The following FAT4 variants were observed in gnomAD, a reference collection of about 807,000 sequenced individuals.
The protein encoded by FAT4 is FAT atypical cadherin 4.
A neutral mutation model predicts 303.9 loss-of-function variants in FAT4; 84 were observed. The ratio of observed to expected loss-of-function variants is 0.28; its 90% CI spans 0.23 to 0.33. FAT4 has a LOEUF of 0.33. Ranked by LOEUF, FAT4 falls within the 10% of genes least tolerant of loss-of-function variation. The pLI is 1.00. For synonymous variants in FAT4, 2,307 were observed against 2,298.8 expected (o/e 1.00, Z -0.10); for missense variants, 6,005 against 6,146.8 (o/e 0.98, Z 0.77).
At chr4:125,464,477 CTG>C (rs1365009815) in intron 11 of FAT4, among the ~76,000 whole-genome samples, 1 of 145,568 alleles carries the variant, frequency 6.9e-6, no homozygotes, top group Admixed American at 7.2e-5. Flanking sequence ...CCAAATGACT[CTG>C]TCTCTTTTCT....
intron 2 of FAT4, among the ~76,000 whole-genome samples, chr4:125,323,645 A>C (rs1731041808): frequency 6.6e-6 from 1 of 152,210 alleles, no homozygotes; most frequent in African/African-American, 2.4e-5. Flanking sequence ...TATTGAAAGC[A>C]GTGGTTGTGA....
intron 2 of FAT4, among the ~76,000 whole-genome samples, chr4:125,382,322 A>T (rs1381327841): frequency 6.6e-6 from 1 of 152,146 alleles, no homozygotes; most frequent in Non-Finnish European, 1.5e-5. Flanking sequence ...GAAAGTTTAG[A>T]TTACTCCTTG....
At position 125,315,345 on chromosome 4, in the gene FAT4, T is replaced by C. The variant is rs1052202976; in HGVS notation, c.-645T>C. 9.9e-5 allele frequency among the ~76,000 whole-genome samples: 15 copies of C among 151,966 alleles called. No homozygotes were observed. Among genetic ancestry groups the C allele is most frequent in the African/African-American group, 3.6e-4 (15 of 41,380 alleles). On this transcript the variant is annotated 5_prime_UTR_variant, in exon 1 of 18. Coordinates refer to ENST00000394329, the MANE Select transcript of FAT4 (RefSeq NM_001291303.3). ...CCCCCGCCCCAAACAAAAAGCCTTGTGGATTACAAAGTGAAACTGACACGG... is the reference window on the plus strand; with the variant it reads ...CCCCCGCCCCAAACAAAAAGCCTTGCGGATTACAAAGTGAAACTGACACGG...
intron 2 of FAT4, among the ~76,000 whole-genome samples, chr4:125,326,196 C>T (rs1025457009): frequency 1.3e-5 from 2 of 151,908 alleles, no homozygotes; most frequent in African/African-American, 4.8e-5. Flanking sequence ...TTTATTTTCA[C>T]AAGAAACTAT....
Position 125,449,685 on chromosome 4 carries a change from A to G in FAT4, c.8675A>G (p.Lys2892Arg). ...DCPELTEIGS[K>R]VTQVFATDPD... ...CCTGAACTTACTGAGATTGGCTCCA[A>G]AGTAACTCAGGTATTTGCAACAGAT... Residue 2892 changes from lysine (K) to arginine (R), a missense_variant, in exon 10 of 18, where the codon AAA becomes AGA. By Grantham distance (26) the Lys-to-Arg change is conservative. Coordinates refer to ENST00000394329, the MANE Select transcript of FAT4 (RefSeq NM_001291303.3). 1 of 1,613,994 alleles carries G rather than the reference A, an allele frequency of 6.2e-7. No homozygotes were observed. Among genetic ancestry groups the G allele is most frequent in the Non-Finnish European group, 8.5e-7 (1 of 1,179,936 alleles).
At chr4:125,335,215 C>A (rs920080501) in intron 2 of FAT4, among the ~76,000 whole-genome samples, 2 of 152,104 alleles carry the variant, frequency 1.3e-5, no homozygotes, top group African/African-American at 2.4e-5. Context: ...TTCTTCTCAG[C>A]AGTTTTCTCT....
intron 6 of FAT4, 57 bp downstream of exon 6, chr4:125,415,863 A>T: frequency 3.1e-6 from 4 of 1,309,816 alleles, no homozygotes; most frequent in South Asian, 1.5e-5. Context: ...CTATTTGAAA[A>T]CCTCCCCTCT....
At chr4:125,369,554 T>G (rs1157092421) in intron 2 of FAT4, among the ~76,000 whole-genome samples, 1 of 152,254 alleles carries the variant, frequency 6.6e-6, no homozygotes, top group African/African-American at 2.4e-5. Context: ...TTCATTCTGT[T>G]GTTTAATGAA....
chr4:125,366,765 T>C (rs1732903181), intron 2 of FAT4, among the ~76,000 whole-genome samples: 1 of 152,018 alleles, frequency 6.6e-6, no homozygotes, highest in Non-Finnish European at 1.5e-5. Flanking sequence ...GCATCTGTTA[T>C]TTTTTTGACT....
chr4:125,393,443 C>T lies in FAT4; in HGVS notation c.5176-5341C>T, dbSNP rs146843418. ...GAAATAGCATGTTTTATCATTAGAT[C>T]CACAAATATATAATGGTTTGATATT... On this transcript the variant is annotated intron_variant, in intron 2 of 17. Transcript: ENST00000394329. Among the ~76,000 whole-genome samples, 360 of 152,076 alleles carry T rather than the reference C, an allele frequency of 2.4e-3. 3 individuals are homozygous for T. The highest frequency in any genetic ancestry group is 8.0e-3 in the Admixed American group (122 of 15,262).
chr4:125,491,136 C>T lies in FAT4; in HGVS notation c.14320C>T (p.Gln4774Ter). 1 of 1,614,182 alleles carries T rather than the reference C, an allele frequency of 6.2e-7. No individual in the cohort carries two copies. The highest frequency in any genetic ancestry group is 8.5e-7 in the Non-Finnish European group (1 of 1,180,022). ...HGSRPGSRLK[Q>*]PIGQIPLESS... is the part of the protein sequence containing the mutation. ...TTCTAGACCAGGGAGTCGCCTAAAG[C>T]AGCCGATTGGGCAGATTCCACTGGA... Residue 4774 changes from glutamine (Q) to a stop codon, truncating the protein, a stop_gained, in exon 18 of 18, where the codon CAG (glutamine) becomes TAG (stop). Transcript: ENST00000394329. LOFTEE classifies it high-confidence loss of function.
At position 125,448,946 on chromosome 4, in the gene FAT4, G is replaced by A; in HGVS notation, c.7936G>A (p.Gly2646Ser). Residue 2646 changes from glycine to serine, a missense_variant, in exon 10 of 18, where the codon GGT becomes AGT. By Grantham distance (56) the Gly-to-Ser change is moderately conservative. Coordinates refer to ENST00000394329, the MANE Select transcript of FAT4 (RefSeq NM_001291303.3). ...KYVVWIEARD[G>S]GFPPFSSYEK... ...TGTTGTATGGATAGAGGCCAGAGAC[G>A]GTGGTTTCCCTCCTTTCTCCTCTTA... is the stretch of plus-strand genomic sequence containing the variant. 2 of 1,613,608 alleles carry A rather than the reference G, an allele frequency of 1.2e-6. No homozygotes were observed. Among genetic ancestry groups the A allele is most frequent in the South Asian group, 1.1e-5 (1 of 91,064 alleles).
chr4:125,397,669 T>C (rs893777058), intron 2 of FAT4, among the ~76,000 whole-genome samples: 3 of 152,176 alleles, frequency 2.0e-5, no homozygotes, highest in African/African-American at 7.2e-5. Flanking sequence ...CTCATTTATT[T>C]GTCTAGCTCT....
In FAT4 at chr4:125,408,683, G is replaced by A. The variant is rs1229740540; in HGVS notation, c.5809G>A (p.Val1937Ile). 1 of 1,610,376 alleles carries A rather than the reference G, an allele frequency of 6.2e-7. No homozygotes were observed. Among genetic ancestry groups the A allele is most frequent in the Non-Finnish European group, 8.5e-7 (1 of 1,176,960 alleles). ...TIRVYFNILD[V>I]NDNPPIFSLN... is the part of the protein sequence containing the mutation. ...CAGAGTTTATTTCAATATTCTAGAT[G>A]TAAATGATAATCCACCTATTTTCAG... Residue 1937 changes from valine to isoleucine, a missense_variant, in exon 5 of 18, where the codon GTA (valine) becomes ATA (isoleucine). Coordinates refer to ENST00000394329, the MANE Select transcript of FAT4 (RefSeq NM_001291303.3).
intron 15 of FAT4, among the ~76,000 whole-genome samples, chr4:125,481,002 T>C (rs72675385): frequency 0.1 from 15,687 of 152,118 alleles, 1,014 homozygotes; most frequent in East Asian, 0.25. Flanking sequence ...AACTATAATA[T>C]ACATACTGAT....
intron 12 of FAT4, among the ~76,000 whole-genome samples, chr4:125,471,818 G>A (rs1211697325): frequency 1.3e-5 from 2 of 148,598 alleles, no homozygotes; most frequent in East Asian, 2.0e-4. Flanking sequence ...TTGGGAGGCC[G>A]AGGCGGGCGG....
chr4:125,329,445 T>G (rs1369243408), intron 2 of FAT4, among the ~76,000 whole-genome samples: 1 of 152,232 alleles, frequency 6.6e-6, no homozygotes, highest in Non-Finnish European at 1.5e-5. Context: ...TTTTTACCCT[T>G]TTTTATTTCT....
intron 17 of FAT4, 100 bp downstream of exon 17, chr4:125,487,706 T>C: frequency 4.3e-6 from 5 of 1,175,250 alleles, no homozygotes; most frequent in Non-Finnish European, 5.7e-6. Flanking sequence ...AACATGAATC[T>C]CATATACAGA....
At chr4:125,453,802 T>G (rs979759705) in intron 10 of FAT4, among the ~76,000 whole-genome samples, 1 of 152,196 alleles carries the variant, frequency 6.6e-6, no homozygotes, top group Non-Finnish European at 1.5e-5. Context: ...GAGCCACAGC[T>G]TATCTTGACA....
Sources: allele counts gnomAD v4.1 joint callset (sites outside exome capture counted in the v4.1 genomes callset), GRCh38; gene constraint gnomAD v4.1.1; transcripts MANE v1.5; gene names NCBI Gene and HGNC (gene_info 2026-07-23, HGNC 2026-07-21).